RHOH: variants seen among roughly 807,000 people sequenced by gnomAD.
The protein encoded by RHOH is ras homolog family member H, also known as rho-related GTP-binding protein RhoH.
Under a neutral mutation model 13.8 loss-of-function variants are expected in RHOH, and 6 were observed. The observed-to-expected ratio is 0.44, with a 90% CI of 0.24 to 0.86. The LOEUF (loss-of-function observed/expected upper bound fraction) is 0.86. RHOH is among the 40% of genes least tolerant of loss of function. RHOH has a pLI of 0.24. For synonymous variants in RHOH, 117 were observed against 103.0 expected, an observed-to-expected ratio of 1.14 and a Z score of -0.82; for missense variants, 147 against 244.5, an observed-to-expected ratio of 0.60 and a Z score of 2.66.
In RHOH at chr4:40,243,618, G is replaced by A. The variant is rs889160810; in HGVS notation, c.232G>A (p.Val78Met). ...GCCCCTGTCCTACCAGCAGGCAGAC[G>A]TGGTGCTGATGTGCTACTCTGTGGC... Reference protein sequence around the residue: ...IRPLSYQQADVVLMCYSVANH... With the variant: ...IRPLSYQQADMVLMCYSVANH... Residue 78 changes from valine (V) to methionine (M), a missense_variant, in exon 3 of 3, where the codon GTG (valine) becomes ATG (methionine). Val to Met is a conservative substitution (Grantham distance 21). Around this residue, in one of 3 missense-constraint regions of RHOH, gnomAD observed 80 missense variants for 152.0 expected, o/e 0.53. Coordinates refer to ENST00000381799, the MANE Select transcript of RHOH (RefSeq NM_004310.5). This position sits in a 1 kb window ranked among gnomAD's most constrained non-coding sequence, Gnocchi z 6.2. 1.6e-5 allele frequency: 26 copies of A among 1,614,082 alleles called. No individual in the cohort carries two copies. Among genetic ancestry groups the A allele is most frequent in the Non-Finnish European group, 2.1e-5 (25 of 1,180,052 alleles).
chr4:40,202,902 C>T (rs1323144410), intron 1 of RHOH, among the ~76,000 whole-genome samples: 1 of 151,990 alleles, frequency 6.6e-6, no homozygotes, highest in Non-Finnish European at 1.5e-5. Context: ...GGGGCTGACA[C>T]CAGAAAGGAA....
chr4:40,244,149 C>T lies in RHOH; in HGVS notation c.*187C>T. The T allele has an allele frequency of 2.0e-6, 1 of 494,456 alleles. No individual in the cohort carries two copies. The highest frequency in any genetic ancestry group is 3.6e-6 in the Non-Finnish European group (1 of 274,338). The allele number at this position is 494,456 out of a possible 1,614,324, so 30.6% of individuals were successfully genotyped here. On this transcript the variant is annotated 3_prime_UTR_variant, in exon 3 of 3. Transcript: ENST00000381799. ...TCACTAACTACACTCTACAAGTGAA[C>T]TCCTTGCCCAGGCCAGTTAGAAAAT...
At chr4:40,225,770 G>A (rs1473717219) in intron 1 of RHOH, among the ~76,000 whole-genome samples, 2 of 152,170 alleles carry the variant, frequency 1.3e-5, no homozygotes, top group East Asian at 3.8e-4. Flanking sequence ...GGATTGCTCA[G>A]TTTCATCAAG....
intron 1 of RHOH, among the ~76,000 whole-genome samples, chr4:40,220,535 A>G (rs1726430785): frequency 6.6e-6 from 1 of 152,114 alleles, no homozygotes; most frequent in South Asian, 2.1e-4. Flanking sequence ...TGGCCATTGC[A>G]TGACCTCTCC....
upstream of RHOH, among the ~76,000 whole-genome samples, chr4:40,195,358 CTT>C (rs1723015597): frequency 3.0e-5 from 1 of 32,882 alleles, no homozygotes; most frequent in Non-Finnish European, 6.9e-5. Context: ...CTTTCTTTTC[CTT>C]CCTTCCTTCC....
At chr4:40,242,147 G>A (rs1396922944) in intron 1 of RHOH, among the ~76,000 whole-genome samples, 2 of 152,216 alleles carry the variant, frequency 1.3e-5, no homozygotes. Flanking sequence ...CAGCAGACAC[G>A]ACACTGTCTC....
upstream of RHOH, chr4:40,193,551 GAA>G (rs1403861583): frequency 2.6e-5 from 4 of 152,116 alleles, no homozygotes; most frequent in Non-Finnish European, 4.4e-5. Flanking sequence ...TGGGGAGAGA[GAA>G]AGAGAGAAAC....
intron 1 of RHOH, among the ~76,000 whole-genome samples, chr4:40,220,639 A>C (rs1473186906): frequency 6.6e-6 from 1 of 152,200 alleles, no homozygotes; most frequent in Non-Finnish European, 1.5e-5. Context: ...CTCTGGGCCT[A>C]GTCTAAACTA....
chr4:40,237,912 A>AGC (rs1482880854), intron 1 of RHOH, among the ~76,000 whole-genome samples: 1 of 152,242 alleles, frequency 6.6e-6, no homozygotes, highest in Non-Finnish European at 1.5e-5. Context: ...ATTTCACTTT[A>AGC]GCTCTATATT....
upstream of RHOH, among the ~76,000 whole-genome samples, chr4:40,191,935 GT>G (rs112598152): frequency 0.063 from 9,264 of 146,162 alleles, 279 homozygotes; most frequent in Middle Eastern, 0.087. Context: ...AGGGAGGCTG[GT>G]TTTTTTTTTT....
chr4:40,213,325 A>G (rs1287996140), intron 1 of RHOH, among the ~76,000 whole-genome samples: 1 of 150,308 alleles, frequency 6.7e-6, no homozygotes, highest in Non-Finnish European at 1.5e-5. Context: ...TCACTCTTCT[A>G]GTTCCTGACT....
At chr4:40,242,200 T>C (rs1729336807) in intron 1 of RHOH, among the ~76,000 whole-genome samples, 1 of 152,256 alleles carries the variant, frequency 6.6e-6, no homozygotes, top group African/African-American at 2.4e-5. Context: ...CTGCACTGAA[T>C]GAGAATTTAT....
At chr4:40,203,887 C>T (rs918489804) in intron 1 of RHOH, among the ~76,000 whole-genome samples, 4 of 151,980 alleles carry the variant, frequency 2.6e-5, no homozygotes, top group Admixed American at 1.3e-4. Context: ...GGCCATCGAG[C>T]GGTGGTTATT....
intron 1 of RHOH, among the ~76,000 whole-genome samples, chr4:40,241,535 C>A (rs1011042233): frequency 2.0e-5 from 3 of 152,156 alleles, no homozygotes; most frequent in African/African-American, 7.2e-5. Context: ...ATATGGCTAA[C>A]TCATTTGCAA....
intron 1 of RHOH, among the ~76,000 whole-genome samples, chr4:40,241,746 C>T (rs1729271420): frequency 6.6e-6 from 1 of 151,932 alleles, no homozygotes; most frequent in Non-Finnish European, 1.5e-5. Context: ...ATAAATTAGC[C>T]CGGTGTGGTG....
At chr4:40,197,752 T>C (rs1723387410) in intron 1 of RHOH, among the ~76,000 whole-genome samples, 1 of 152,220 alleles carries the variant, frequency 6.6e-6, no homozygotes, top group Non-Finnish European at 1.5e-5. Context: ...CTAGCTTGTG[T>C]TTTTCACCTA....
At position 40,197,293 on chromosome 4, in the gene RHOH, T is replaced by G. The variant is rs1313127464; in HGVS notation, c.-338T>G. 2 of 152,238 alleles carry G rather than the reference T, an allele frequency of 1.3e-5. No homozygotes were observed. The highest frequency in any genetic ancestry group is 4.8e-5 in the African/African-American group (2 of 41,458). The allele number at this position is 152,238 out of a possible 1,614,324, so 9.4% of individuals were successfully genotyped here. A position where few individuals can be genotyped will look rare whatever the true frequency, so the allele number is the denominator to read the frequency against. ...CTGTCAAGACATTTCTTCGGCATTC[T>G]GCAACAGGTAAGGATTTTGCTTCCT... On this transcript the variant is annotated 5_prime_UTR_variant, in exon 1 of 3. Transcript: ENST00000381799.
Position 40,208,070 on chromosome 4 carries a change from T to C in RHOH, c.-331+10770T>C, listed in dbSNP as rs186123297. Among the ~76,000 whole-genome samples, 889 of 152,326 alleles carry C rather than the reference T, an allele frequency of 5.8e-3. 10 individuals are homozygous for C. The highest frequency in any genetic ancestry group is 0.021 in the African/African-American group (854 of 41,564). On this transcript the variant is annotated intron_variant, in intron 1 of 2. Coordinates refer to ENST00000381799, the MANE Select transcript of RHOH (RefSeq NM_004310.5). ...AGCCTACGTTTATATCTACTTTTTT[T>C]TGGACCTGTGACCGATCAACCTTAA... is the stretch of plus-strand genomic sequence containing the variant.
Position 40,197,151 on chromosome 4 carries a change from G to C in RHOH, c.-480G>C, listed in dbSNP as rs539208595. The C allele has an allele frequency of 6.6e-6, 1 of 152,324 alleles. No individual in the cohort carries two copies. The highest frequency in any genetic ancestry group is 6.5e-5 in the Admixed American group (1 of 15,294). 9.4% of individuals were successfully genotyped at this position (152,324 alleles called of 1,614,324 possible). On this transcript the variant is annotated 5_prime_UTR_variant, in exon 1 of 3. Transcript: ENST00000381799. ...CCAGTGTGAATCAGTTAATATTCTC[G>C]GGAACGAGGGAGAGGTTGATCCTAT...
Sources: allele counts gnomAD v4.1 joint callset (sites outside exome capture counted in the v4.1 genomes callset), GRCh38; gene constraint gnomAD v4.1.1; regional missense constraint gnomAD v4.1.1; non-coding constraint Gnocchi (gnomAD v3.1); transcripts MANE v1.5; gene names NCBI Gene and HGNC (gene_info 2026-07-23, HGNC 2026-07-21).